STAP2: variants seen among roughly 807,000 people sequenced by gnomAD.
The protein encoded by STAP2 is signal-transducing adaptor protein 2.
Under a neutral mutation model 52.7 loss-of-function variants are expected in STAP2, and 58 were observed. The observed-to-expected ratio is 1.10, with a 90% confidence interval of 0.89 to 1.37. The LOEUF is 1.37. Ranked by LOEUF, STAP2 falls within the 40% of genes most tolerant of loss-of-function variation. STAP2 has a pLI of 0.00. For synonymous variants in STAP2, 231 were observed against 210.5 expected, an observed-to-expected ratio of 1.10 and a Z score of -0.84; for missense variants, 522 against 519.4, an observed-to-expected ratio of 1.00 and a Z score of -0.05.
In STAP2 at chr19:4,328,772, G is replaced by C. The variant is rs748607041; in HGVS notation, c.493C>G (p.Leu165Val). 1.2e-6 allele frequency: 2 copies of C among 1,611,134 alleles called. No homozygotes were observed. The highest frequency in any genetic ancestry group is 1.7e-6 in the Non-Finnish European group (2 of 1,179,304). Reference protein sequence around the residue: ...LKVSRLEAQLLLERYPECGNL... With the variant: ...LKVSRLEAQLVLERYPECGNL... The stretch of plus-strand genomic sequence containing the variant: ...CCGCACTCGGGGTAGCGCTCCAGGA[G>C]CAGTTGTGCCTCCAGCCGGCTCACC... Residue 165 changes from leucine (L) to valine (V), a missense_variant, in exon 6 of 13, where the codon CTC becomes GTC. By Grantham distance (32) the Leu-to-Val change is conservative. Transcript: ENST00000594605.
At chr19:4,324,256 G>A (rs369084746) in intron 12 of STAP2, 59 bp from the exon 13 acceptor site, 25 of 1,504,148 alleles carry the variant, frequency 1.7e-5, no homozygotes, top group South Asian at 6.0e-5. Flanking sequence ...CATGCCCACC[G>A]CCCTGACAGC....
At chr19:4,333,581 C>A in intron 3 of STAP2, 113 bp downstream of exon 3, 1 of 1,400,922 alleles carries the variant, frequency 7.1e-7, no homozygotes, top group Non-Finnish European at 9.4e-7. Flanking sequence ...TTACCCAGGG[C>A]CCACAGGGCC....
chr19:4,330,560 G>C (rs1971873035), intron 4 of STAP2, among the ~76,000 whole-genome samples: 1 of 149,818 alleles, frequency 6.7e-6, no homozygotes, highest in South Asian at 2.1e-4. Flanking sequence ...AAAAAAAGTA[G>C]ATGCTGGAAT....
chr19:4,328,735 A>C lies in STAP2; in HGVS notation c.530T>G (p.Leu177Arg), dbSNP rs1392456632. Reference protein sequence around the residue: ...ERYPECGNLLLRPSGDGADGV... With the variant: ...ERYPECGNLLRRPSGDGADGV... ...GTCGGCGCCGTCCCCGCTGGGCCGC[A>C]GCAGCAGGTTCCCGCACTCGGGGTA... The change falls in exon 6 of 13, where the codon CTG becomes CGG. Residue 177 changes from leucine (L) to arginine (R), a missense_variant. Coordinates refer to ENST00000594605, the MANE Select transcript of STAP2 (RefSeq NM_001013841.2). 1 of 1,607,956 alleles carries C rather than the reference A, an allele frequency of 6.2e-7. No homozygotes were observed. The highest frequency in any genetic ancestry group is 2.2e-5 in the East Asian group (1 of 44,656).
At chr19:4,327,076 C>T in intron 8 of STAP2, 48 bp downstream of exon 8, 3 of 1,609,820 alleles carry the variant, frequency 1.9e-6, no homozygotes, top group South Asian at 1.1e-5. Flanking sequence ...CGAGCGGGGG[C>T]GGGAGAGGTG....
chr19:4,324,761 G>A (rs992933053), intron 11 of STAP2: 9 of 512,260 alleles, frequency 1.8e-5, no homozygotes, highest in African/African-American at 1.7e-4. Flanking sequence ...GAACCCGGCA[G>A]ACAGAGGTTG....
chr19:4,330,099 A>C (rs2035598610), intron 4 of STAP2, 38 bp from the exon 5 acceptor site: 1 of 1,551,362 alleles, frequency 6.4e-7, no homozygotes. Context: ...GCACCTGGCC[A>C]GCCGGGAATG....
intron 12 of STAP2, 92 bp from the exon 13 acceptor site, chr19:4,324,289 T>C: frequency 7.1e-7 from 1 of 1,405,086 alleles, no homozygotes. Flanking sequence ...GCTACAGATT[T>C]GCAGGGCCCC....
chr19:4,324,816 T>G, intron 11 of STAP2: 1 of 435,208 alleles, frequency 2.3e-6, no homozygotes, highest in Non-Finnish European at 4.1e-6. Flanking sequence ...AGAGTGAGAC[T>G]CCATCTCAAA....
intron 5 of STAP2, among the ~76,000 whole-genome samples, chr19:4,329,383 G>T (rs1971850998): frequency 1.3e-5 from 2 of 151,886 alleles, no homozygotes; most frequent in African/African-American, 4.8e-5. Context: ...GAGATGACAG[G>T]CGCGAGCCAC....
At chr19:4,329,156 G>A (rs1971846493) in intron 5 of STAP2, among the ~76,000 whole-genome samples, 1 of 151,874 alleles carries the variant, frequency 6.6e-6, no homozygotes, top group Admixed American at 6.6e-5. Flanking sequence ...GTAGAGACGG[G>A]ATTTCTCCAT....
At chr19:4,324,221 G>T in intron 12 of STAP2, 24 bp from the exon 13 acceptor site, 1 of 1,549,574 alleles carries the variant, frequency 6.5e-7, no homozygotes. Flanking sequence ...ACCAGGAGCT[G>T]CAGCTGGCTC....
rs775236053 is a variant in STAP2, at chr19:4,338,636, C to T, written c.102+16G>A. On this transcript the variant is annotated intron_variant, in intron 1 of 12. Coordinates refer to ENST00000594605, the MANE Select transcript of STAP2 (RefSeq NM_001013841.2). The stretch of plus-strand genomic sequence containing the variant: ...ACGGTGGCCCAGCAGGGCCAGCCCC[C>T]GCCTCCCCACCTTACCCGGTCACAG... 20 of 1,608,596 alleles carry T rather than the reference C, an allele frequency of 1.2e-5. No homozygotes were observed. The highest frequency in any genetic ancestry group is 6.7e-5 in the Admixed American group (4 of 59,498).
At position 4,325,522 on chromosome 19, in the gene STAP2, G is replaced by A. The variant is rs1043538071; in HGVS notation, c.853C>T (p.Pro285Ser). 6.2e-7 allele frequency: 1 copy of A among 1,603,318 alleles called. No homozygotes were observed. The stretch of plus-strand genomic sequence containing the variant: ...CTAGACGCAGGTGACAGCGGCTTGG[G>A]GCCACCTGTGCAGGGTGCAGGACCT... ...GPGPAPCTGG[P>S]KPLSPASSQD... Residue 285 changes from proline to serine, a missense_variant, in exon 10 of 13, where the codon CCC (proline) becomes TCC (serine). Physicochemically the swap from Pro to Ser is moderately conservative, Grantham distance 74 (BLOSUM62 -1). Transcript: ENST00000594605.
At chr19:4,325,345 T>G (rs751679536) in intron 10 of STAP2, 37 bp from the exon 11 acceptor site, 17 of 1,614,176 alleles carry the variant, frequency 1.1e-5, no homozygotes, top group Non-Finnish European at 1.4e-5. Context: ...ACATCAGCTG[T>G]TAACCTGTTT....
Position 4,327,340 on chromosome 19 carries a change from C to G in STAP2, c.636G>C (p.Lys212Asn). Residue 212 changes from lysine (K) to asparagine (N), a missense_variant, in exon 7 of 13, where the codon AAG becomes AAC. Coordinates refer to ENST00000594605, the MANE Select transcript of STAP2 (RefSeq NM_001013841.2). ...RHYKVKREGP[K>N]YVIDVEQPFS... Reference sequence around the variant, plus strand: ...CCGGCTGTTCCACATCGATCACGTACTTGGGGCCCTCCCGCTTCACCTTGT... The same window carrying G: ...CCGGCTGTTCCACATCGATCACGTAGTTGGGGCCCTCCCGCTTCACCTTGT... 6.2e-7 allele frequency: 1 copy of G among 1,614,160 alleles called. No individual in the cohort carries two copies.
rs78620267 is a variant in STAP2, at chr19:4,325,550, T to A, written c.830-5A>T. The A allele has an allele frequency of 2.5e-3, 3,988 of 1,567,010 alleles. 88 individuals are homozygous for A. In the African/African-American group the frequency reaches 0.045, roughly 18 times the overall value. ...CACCTGTGCAGGGTGCAGGACCTGA[T>A]GGGGAAACGTGGTCACTGTCAAGAC... On this transcript the variant is annotated splice_region_variant and splice_polypyrimidine_tract_variant and intron_variant, in intron 9 of 12. Coordinates refer to ENST00000594605, the MANE Select transcript of STAP2 (RefSeq NM_001013841.2).
At chr19:4,326,916 C>A in intron 9 of STAP2, 26 bp downstream of exon 9, 1 of 1,550,616 alleles carries the variant, frequency 6.4e-7, no homozygotes, top group Non-Finnish European at 8.7e-7. Flanking sequence ...TCCCTCCCAC[C>A]TCGGCCCGCG....
rs757541521 is a variant in STAP2 at position 4,327,393 on chromosome 19, A to G, written c.591-8T>C. 2.5e-6 allele frequency: 4 copies of G among 1,614,046 alleles called. No homozygotes were observed. In the East Asian group the frequency reaches 6.7e-5, roughly 27 times the overall value. On this transcript the variant is annotated splice_polypyrimidine_tract_variant and splice_region_variant and intron_variant, in intron 6 of 12. Coordinates refer to ENST00000594605, the MANE Select transcript of STAP2 (RefSeq NM_001013841.2). Reference sequence around the variant, plus strand: ...TGCCGGACCACGTGCGTCCTGCACCAGGAGAAAGCGAGTGAGTGGCTCAGC... The same window carrying G: ...TGCCGGACCACGTGCGTCCTGCACCGGGAGAAAGCGAGTGAGTGGCTCAGC...
Sources: allele counts gnomAD v4.1 joint callset (sites outside exome capture counted in the v4.1 genomes callset), GRCh38; gene constraint gnomAD v4.1.1; transcripts MANE v1.5; gene names NCBI Gene and HGNC (gene_info 2026-07-23, HGNC 2026-07-21).